PCDHGC4: variants seen among roughly 807,000 people sequenced by gnomAD.
The protein encoded by PCDHGC4 is protocadherin gamma subfamily C, 4, also known as protocadherin gamma-C4.
PCDHGC4 carries 15 observed loss-of-function variants against 59.7 expected under a neutral mutation model. The observed-to-expected ratio is 0.25, with a 90% confidence interval of 0.17 to 0.39. The LOEUF (loss-of-function observed/expected upper bound fraction) is 0.39, where lower values mean the gene tolerates loss of function less well. Ranked by LOEUF, PCDHGC4 falls within the 10% of genes least tolerant of loss-of-function variation. The probability of loss-of-function intolerance (pLI) is 1.00; values close to 1 mark genes in which losing one functional copy is unlikely to be tolerated. For synonymous variants in PCDHGC4, 434 were observed against 481.4 expected (o/e 0.90, Z 1.29); for missense variants, 1,016 against 1,189.5 (o/e 0.85, Z 2.15).
intron 2 of PCDHGC4, among the ~76,000 whole-genome samples, chr5:141,499,612 C>T (rs1489412444): frequency 6.6e-6 from 1 of 151,968 alleles, no homozygotes; most frequent in African/African-American, 2.4e-5. Context: ...TACCCTTATC[C>T]TGTCCTTGGA....
chr5:141,492,037 C>A (rs556842734), intron 1 of PCDHGC4: 94 of 538,798 alleles, frequency 1.7e-4, no homozygotes, highest in Non-Finnish European at 2.5e-4. Flanking sequence ...AGGAGGCAGT[C>A]ACAGATCCAC....
chr5:141,499,634 C>A (rs1194596079), intron 2 of PCDHGC4, among the ~76,000 whole-genome samples: 1 of 151,220 alleles, frequency 6.6e-6, no homozygotes, highest in Non-Finnish European at 1.5e-5. Flanking sequence ...TCTTTTGAAG[C>A]AAATCTCAGA....
In PCDHGC4 at chr5:141,491,533, C is replaced by G. The variant is rs758270791; in HGVS notation, c.2443-3274C>G. 4.3e-6 allele frequency: 7 copies of G among 1,614,010 alleles called. No homozygotes were observed. The highest frequency in any genetic ancestry group is 5.1e-6 in the Non-Finnish European group (6 of 1,180,028). ...GCTCAAGTACATGGAGGTGACGCTGCGGCCCACAGACTCGCAGAGCCACTG... is the reference window on the plus strand; with the variant it reads ...GCTCAAGTACATGGAGGTGACGCTGGGGCCCACAGACTCGCAGAGCCACTG... On this transcript the variant is annotated intron_variant, in intron 1 of 3. Transcript: ENST00000306593. The surrounding 1 kb of genome is among the most constrained non-coding windows in gnomAD (Gnocchi z 6.9).
intron 3 of PCDHGC4, 154 bp from the exon 4 acceptor site, chr5:141,510,793 G>GAGA: frequency 1.1e-6 from 1 of 935,078 alleles, no homozygotes; most frequent in Non-Finnish European, 1.3e-6. Context: ...CTCTTGTGAA[G>GAGA]AGAGACTACC....
In PCDHGC4 at chr5:141,486,518, A is replaced by G; in HGVS notation, c.1345A>G (p.Asn449Asp). The G allele has an allele frequency of 6.2e-7, 1 of 1,614,132 alleles. No homozygotes were observed. Among genetic ancestry groups the G allele is most frequent in the Non-Finnish European group, 8.5e-7 (1 of 1,179,996 alleles). Residue 449 changes from asparagine (N) to aspartate (D), a missense_variant, in exon 1 of 4, where the codon AAT becomes GAT. Coordinates refer to ENST00000306593, the MANE Select transcript of PCDHGC4 (RefSeq NM_018928.3). The surrounding 1 kb of genome is among the most constrained non-coding windows in gnomAD (Gnocchi z 5.0). ...RTIFLNISDVNDNPPSFFQRS... is the reference protein window; with the variant it reads ...RTIFLNISDVDDNPPSFFQRS... ...TATTTTCCTCAATATTTCAGATGTG[A>G]ATGATAATCCACCCTCTTTCTTTCA...
intron 3 of PCDHGC4, among the ~76,000 whole-genome samples, chr5:141,506,564 G>A (rs984395438): frequency 5.3e-5 from 8 of 152,016 alleles, no homozygotes; most frequent in East Asian, 1.9e-4. Context: ...AAACCCCCTC[G>A]GTTTCACTTA....
rs1225473275 is a variant in PCDHGC4 at position 141,512,442 on chromosome 5, TC to T, written c.*1271del. ...GGCCCCTGCCCTCCTGAAGCCTCAG[TC>T]CTTCACCTTGCCAGGTGCCGTTTCT... is the stretch of plus-strand genomic sequence containing the variant. On this transcript the variant is annotated 3_prime_UTR_variant, in exon 4 of 4. Transcript: ENST00000306593. 1 of 152,892 alleles carries T rather than the reference TC, an allele frequency of 6.5e-6. No individual in the cohort carries two copies. Among genetic ancestry groups the T allele is most frequent in the African/African-American group, 2.4e-5 (1 of 41,466 alleles). 9.5% of individuals were successfully genotyped at this position (152,892 alleles called of 1,614,324 possible).
At position 141,493,262 on chromosome 5, in the gene PCDHGC4, A is replaced by G. The variant is rs148431133; in HGVS notation, c.2443-1545A>G. ...GGTACTAACATGCCTCTCTTATAAC[A>G]GCTTCACAGAGGTCAAGTGACTTGC... is the stretch of plus-strand genomic sequence containing the variant. On this transcript the variant is annotated intron_variant, in intron 1 of 3. Transcript: ENST00000306593. This position sits in a 1 kb window ranked among gnomAD's most constrained non-coding sequence, Gnocchi z 4.3. 5.1e-4 allele frequency among the ~76,000 whole-genome samples: 78 copies of G among 152,302 alleles called. No homozygotes were observed. Among genetic ancestry groups the G allele is most frequent in the African/African-American group, 1.7e-3 (72 of 41,574 alleles).
Position 141,490,148 on chromosome 5 carries a change from A to T in PCDHGC4, c.2442+2533A>T. On this transcript the variant is annotated intron_variant, in intron 1 of 3. Transcript: ENST00000306593. This position sits in a 1 kb window ranked among gnomAD's most constrained non-coding sequence, Gnocchi z 5.4. The stretch of plus-strand genomic sequence containing the variant: ...CTAGACCCTAGCAGTGGGGCAATCC[A>T]TGTGTTGGGTCCCATAGACTTTGAG... The T allele has an allele frequency of 6.2e-7, 1 of 1,614,232 alleles. No homozygotes were observed. The highest frequency in any genetic ancestry group is 1.3e-5 in the African/African-American group (1 of 75,068).
At chr5:141,503,363 G>A (rs2099819478) in intron 2 of PCDHGC4, among the ~76,000 whole-genome samples, 2 of 152,132 alleles carry the variant, frequency 1.3e-5, no homozygotes, top group East Asian at 1.9e-4. Context: ...TTGGGAAGCG[G>A]AGGCAGGTGG....
chr5:141,490,030 C>G lies in PCDHGC4; in HGVS notation c.2442+2415C>G, dbSNP rs1361758608. The G allele has an allele frequency of 1.2e-6, 2 of 1,614,150 alleles. No individual in the cohort carries two copies. Among genetic ancestry groups the G allele is most frequent in the African/African-American group, 2.7e-5 (2 of 74,936 alleles). The stretch of plus-strand genomic sequence containing the variant: ...ACCCATTGGTACTCTGCTGCTCCGC[C>G]TCAATGCCACTGATCCAGACGAGGG... On this transcript the variant is annotated intron_variant, in intron 1 of 3. Coordinates refer to ENST00000306593, the MANE Select transcript of PCDHGC4 (RefSeq NM_018928.3). This position sits in a 1 kb window ranked among gnomAD's most constrained non-coding sequence, Gnocchi z 5.4.
chr5:141,488,158 G>A (rs534297140), intron 1 of PCDHGC4, among the ~76,000 whole-genome samples: 4 of 152,328 alleles, frequency 2.6e-5, no homozygotes, highest in South Asian at 2.1e-4. Context: ...AGAGAGGCAC[G>A]CATCAGAGTG....
chr5:141,507,101 T>C (rs1341285140), intron 3 of PCDHGC4: 2 of 152,204 alleles, frequency 1.3e-5, no homozygotes, highest in African/African-American at 2.4e-5. Flanking sequence ...CTTTCTACTA[T>C]AGGGACCATG....
Position 141,511,502 on chromosome 5 carries a change from A to C in PCDHGC4, c.*329A>C. The C allele has an allele frequency of 2.0e-5, 8 of 395,260 alleles. No individual in the cohort carries two copies. The highest frequency in any genetic ancestry group is 4.1e-5 in the African/African-American group (2 of 48,892). The allele number at this position is 395,260 out of a possible 1,614,324, so 24.5% of individuals were successfully genotyped here. A position where few individuals can be genotyped will look rare whatever the true frequency, so the allele number is the denominator to read the frequency against. ...CTGAACTCCTCCATCTTCCAAATCA[A>C]TCAGGCCCATCCATCCCATGCCTCC... On this transcript the variant is annotated 3_prime_UTR_variant, in exon 4 of 4. Transcript: ENST00000306593.
rs1187424114 is a variant in PCDHGC4, at chr5:141,485,341, G to A, written c.168G>A (p.Thr56=). The change falls in exon 1 of 4, where the codon ACG becomes ACA. Residue 56 remains threonine, a synonymous_variant. Transcript: ENST00000306593. The surrounding 1 kb of genome is among the most constrained non-coding windows in gnomAD (Gnocchi z 5.7). The part of the protein sequence containing the change: ...GNVAQDFLLD[T]DSLSARRLQV... ...TCGCTCAAGATTTCCTGCTGGATAC[G>A]GACAGTCTGTCAGCTCGCAGGCTGC... 2 of 1,614,118 alleles carry A rather than the reference G, an allele frequency of 1.2e-6. No individual in the cohort carries two copies. The highest frequency in any genetic ancestry group is 1.7e-5 in the Admixed American group (1 of 60,018).
chr5:141,492,395 C>G (rs2099740183), intron 1 of PCDHGC4, among the ~76,000 whole-genome samples: 1 of 152,242 alleles, frequency 6.6e-6, no homozygotes, highest in African/African-American at 2.4e-5. Flanking sequence ...GGTCCACTCG[C>G]AGCTCCCCTC....
At chr5:141,509,069 G>T (rs1463164307) in intron 3 of PCDHGC4, among the ~76,000 whole-genome samples, 1 of 152,174 alleles carries the variant, frequency 6.6e-6, no homozygotes, top group Non-Finnish European at 1.5e-5. Flanking sequence ...CTCAGCTCCG[G>T]GGATTTGCGA....
chr5:141,485,689 G>A lies in PCDHGC4; in HGVS notation c.516G>A (p.Leu172=). The change falls in exon 1 of 4, where the codon CTG becomes CTA. Residue 172 remains leucine, a synonymous_variant. Transcript: ENST00000306593. This position sits in a 1 kb window ranked among gnomAD's most constrained non-coding sequence, Gnocchi z 5.7. ...GCAATTCGATTAGCAGCTATAGGCT[G>A]AGCTCCAATGAACACTTTGCACTGG... The part of the protein sequence containing the change: ...VGSNSISSYR[L]SSNEHFALDV... The A allele has an allele frequency of 6.2e-7, 1 of 1,614,086 alleles. No individual in the cohort carries two copies. The highest frequency in any genetic ancestry group is 8.5e-7 in the Non-Finnish European group (1 of 1,179,970).
intron 2 of PCDHGC4, among the ~76,000 whole-genome samples, chr5:141,500,877 AT>A (rs369345007): frequency 5.2e-4 from 64 of 122,250 alleles, no homozygotes; most frequent in Admixed American, 1.0e-3. Context: ...TTCATTTACA[AT>A]TTTTTTTTTT....
Sources: allele counts gnomAD v4.1 joint callset (sites outside exome capture counted in the v4.1 genomes callset), GRCh38; gene constraint gnomAD v4.1.1; non-coding constraint Gnocchi (gnomAD v3.1); transcripts MANE v1.5; gene names NCBI Gene and HGNC (gene_info 2026-07-23, HGNC 2026-07-21).